The following PTPRJ variants were observed in gnomAD, a reference collection of about 807,000 sequenced individuals.
PTPRJ encodes the protein protein tyrosine phosphatase receptor type J.
Under a neutral mutation model 141.3 loss-of-function variants are expected in PTPRJ, and 129 were observed. The observed-to-expected ratio is 0.91, with a 90% confidence interval of 0.79 to 1.06. The LOEUF is 1.06. PTPRJ is among the 50% of genes least tolerant of loss of function. PTPRJ has a pLI of 0.00. For missense variants in PTPRJ, 1,601 were observed against 1,679.7 expected (o/e 0.95, Z 0.82); for synonymous variants, 610 against 640.5 (o/e 0.95, Z 0.72).
chr11:48,136,985 C>CT lies in PTPRJ; in HGVS notation c.1874-10dup, dbSNP rs535646968. ...TAATCTGTGCTTTTACATGAATTGC[C>CT]TTTTTTTTAAAATCAAGGGCCCAGC... is the stretch of plus-strand genomic sequence containing the variant. On this transcript the variant is annotated splice_polypyrimidine_tract_variant and intron_variant, in intron 9 of 24. Coordinates refer to ENST00000418331, the MANE Select transcript of PTPRJ (RefSeq NM_002843.4). The CT allele has an allele frequency of 9.6e-3, 15,094 of 1,564,914 alleles. 91 individuals are homozygous for CT. Among genetic ancestry groups the CT allele is most frequent in the Non-Finnish European group, 0.012 (13,547 of 1,140,510 alleles).
At chr11:48,034,261 G>A (rs965038585) in intron 1 of PTPRJ, among the ~76,000 whole-genome samples, 1 of 152,146 alleles carries the variant, frequency 6.6e-6, no homozygotes, top group African/African-American at 2.4e-5. Context: ...AGAACAAGTG[G>A]TTATTCATTT....
intron 6 of PTPRJ, among the ~76,000 whole-genome samples, chr11:48,125,459 G>A (rs543018673): frequency 3.9e-5 from 6 of 152,312 alleles, no homozygotes; most frequent in South Asian, 2.1e-4. Flanking sequence ...ACAGCTTTGC[G>A]TGGTGGCTGA....
chr11:48,130,136 G>A (rs570274474), intron 7 of PTPRJ, among the ~76,000 whole-genome samples: 6 of 150,666 alleles, frequency 4.0e-5, no homozygotes, highest in East Asian at 1.9e-4. Context: ...TAATGCATTC[G>A]AGATAAAGCA....
At chr11:48,130,248 G>C (rs534672934) in intron 7 of PTPRJ, among the ~76,000 whole-genome samples, 5 of 152,024 alleles carry the variant, frequency 3.3e-5, no homozygotes, top group African/African-American at 1.2e-4. Context: ...TGTAAGCACA[G>C]AGCTTCTGCA....
chr11:48,129,900 G>A (rs188054843), intron 7 of PTPRJ, among the ~76,000 whole-genome samples: 95 of 152,224 alleles, frequency 6.2e-4, no homozygotes, highest in Non-Finnish European at 1.1e-3. Flanking sequence ...CTTCCTAGAA[G>A]TCACCCAGTA....
chr11:48,062,437 C>T (rs1038070555), intron 1 of PTPRJ, among the ~76,000 whole-genome samples: 1 of 151,796 alleles, frequency 6.6e-6, no homozygotes, highest in Non-Finnish European at 1.5e-5. Context: ...GGCGTGAACC[C>T]AGGAGGCGGA....
At chr11:48,023,906 T>C (rs1419190513) in intron 1 of PTPRJ, among the ~76,000 whole-genome samples, 1 of 152,118 alleles carries the variant, frequency 6.6e-6, no homozygotes, top group East Asian at 1.9e-4. Context: ...AACCAGAATT[T>C]TGATTATGTG....
intron 1 of PTPRJ, among the ~76,000 whole-genome samples, chr11:48,095,907 T>C (rs1855992034): frequency 6.6e-6 from 1 of 152,148 alleles, no homozygotes; most frequent in Admixed American, 6.6e-5. Context: ...TGCAAGAGCT[T>C]GCAGAAGTTC....
intron 1 of PTPRJ, among the ~76,000 whole-genome samples, chr11:47,998,664 C>T (rs749435039): frequency 1.3e-5 from 2 of 152,144 alleles, no homozygotes; most frequent in Non-Finnish European, 2.9e-5. Context: ...ATGCAGTGCC[C>T]CCGGCAAGGT....
chr11:48,029,227 C>A (rs972385168), intron 1 of PTPRJ, among the ~76,000 whole-genome samples: 1 of 152,310 alleles, frequency 6.6e-6, no homozygotes, highest in Non-Finnish European at 1.5e-5. Context: ...GCCTCTTACA[C>A]CTGTGTTCAT....
intron 1 of PTPRJ, among the ~76,000 whole-genome samples, chr11:48,096,628 T>C (rs1212025701): frequency 6.6e-6 from 1 of 151,294 alleles, no homozygotes; most frequent in African/African-American, 2.4e-5. Context: ...CACCCCTCAG[T>C]TCACCCCCCA....
intron 1 of PTPRJ, among the ~76,000 whole-genome samples, chr11:48,099,582 C>T (rs754040570): frequency 2.0e-5 from 3 of 152,046 alleles, no homozygotes; most frequent in Admixed American, 6.5e-5. Context: ...TGTCTCCTCC[C>T]GTCACTCTCT....
chr11:48,006,637 C>T (rs1168589117), intron 1 of PTPRJ, among the ~76,000 whole-genome samples: 3 of 152,200 alleles, frequency 2.0e-5, no homozygotes, highest in African/African-American at 4.8e-5. Context: ...TGGCACACCC[C>T]TCCCTCATTC....
intron 1 of PTPRJ, among the ~76,000 whole-genome samples, chr11:48,072,341 G>C (rs866551583): frequency 1.3e-5 from 2 of 152,336 alleles, no homozygotes; most frequent in African/African-American, 4.8e-5. Context: ...GAAGGGCAAA[G>C]AAAGAGGGCT....
At chr11:48,153,982 C>G in intron 19 of PTPRJ, 96 bp downstream of exon 19, 1 of 839,084 alleles carries the variant, frequency 1.2e-6, no homozygotes, top group Non-Finnish European at 2.0e-6. Flanking sequence ...CCTAAGTAAC[C>G]ACTTCCACAA....
chr11:48,062,239 C>T (rs367833524), intron 1 of PTPRJ, among the ~76,000 whole-genome samples: 27 of 149,584 alleles, frequency 1.8e-4, no homozygotes, highest in African/African-American at 5.6e-4. Flanking sequence ...GCAGGCCAGG[C>T]GCGGTGGCTC....
intron 18 of PTPRJ, 145 bp downstream of exon 18, chr11:48,150,328 TAC>T: frequency 2.9e-5 from 19 of 653,460 alleles, no homozygotes; most frequent in Non-Finnish European, 5.0e-5. Context: ...TTCTCTCTCC[TAC>T]AGAGTCAGCA....
At chr11:48,020,858 G>T (rs185168101) in intron 1 of PTPRJ, among the ~76,000 whole-genome samples, 120 of 152,346 alleles carry the variant, frequency 7.9e-4, no homozygotes, top group African/African-American at 2.5e-3. Flanking sequence ...AAGGGATTTG[G>T]ACAGTCCACC....
chr11:48,126,277 A>G (rs1341808840), intron 6 of PTPRJ, among the ~76,000 whole-genome samples: 2 of 152,068 alleles, frequency 1.3e-5, no homozygotes, highest in Non-Finnish European at 2.9e-5. Flanking sequence ...GCAAAGTAGT[A>G]GTGATTACAT....
Sources: gnomAD v4.1 joint callset for allele counts (sites outside exome capture counted in the v4.1 genomes callset) on GRCh38, gnomAD v4.1.1 for gene constraint, MANE v1.5 for transcripts, NCBI Gene and HGNC (gene_info 2026-07-23, HGNC 2026-07-21) for gene names.